SNX14: variants seen among roughly 807,000 people sequenced by gnomAD.
SNX14 encodes sorting nexin-14.
SNX14 carries 93 observed loss-of-function variants against 133.8 expected under a neutral mutation model. The observed-to-expected ratio is 0.70, with a 90% confidence interval of 0.59 to 0.83. SNX14 has a LOEUF of 0.83. Ranked by LOEUF, SNX14 falls within the 40% of genes least tolerant of loss-of-function variation. SNX14 has a pLI of 0.00. For synonymous variants in SNX14, 368 were observed against 365.6 expected (o/e 1.01, Z -0.07); for missense variants, 945 against 1,094.9 (o/e 0.86, Z 1.93).
At chr6:85,538,384 C>A (rs1782586616) in intron 16 of SNX14, among the ~76,000 whole-genome samples, 1 of 151,934 alleles carries the variant, frequency 6.6e-6, no homozygotes, top group Non-Finnish European at 1.5e-5. Context: ...ATAGTTTATT[C>A]CAGTCTCTAC....
intron 12 of SNX14, among the ~76,000 whole-genome samples, chr6:85,544,736 C>T (rs971915339): frequency 9.9e-5 from 15 of 152,206 alleles, no homozygotes; most frequent in Admixed American, 7.2e-4. Flanking sequence ...GGCTGTATTT[C>T]GTGAGCCATG....
intron 26 of SNX14, 159 bp from the exon 27 acceptor site, chr6:85,508,218 A>C: frequency 7.6e-7 from 1 of 1,308,968 alleles, no homozygotes. Flanking sequence ...GCTCCTGGAT[A>C]AGAGGTTTCT....
chr6:85,542,822 A>AG (rs1784242443), intron 14 of SNX14, among the ~76,000 whole-genome samples: 1 of 152,238 alleles, frequency 6.6e-6, no homozygotes, highest in African/African-American at 2.4e-5. Flanking sequence ...CTTGAGTTGT[A>AG]GTGGTGTGAT....
intron 5 of SNX14, 105 bp from the exon 6 acceptor site, chr6:85,565,524 T>C: frequency 1.4e-6 from 1 of 709,424 alleles, no homozygotes; most frequent in Admixed American, 3.3e-5. Flanking sequence ...TTAAGCTACT[T>C]TCTTTTTTCA....
At chr6:85,511,350 A>G (rs1335144258) in intron 26 of SNX14, among the ~76,000 whole-genome samples, 1 of 152,216 alleles carries the variant, frequency 6.6e-6, no homozygotes, top group Non-Finnish European at 1.5e-5. Flanking sequence ...CAATCATGTC[A>G]TCTGTGAACA....
chr6:85,530,586 A>C (rs1052815657), intron 18 of SNX14, among the ~76,000 whole-genome samples: 1 of 151,646 alleles, frequency 6.6e-6, no homozygotes, highest in Non-Finnish European at 1.5e-5. Flanking sequence ...CAGAGGTTGC[A>C]GCGAGCCGAG....
chr6:85,518,118 A>T, intron 21 of SNX14, 70 bp from the exon 22 acceptor site: 1 of 1,254,724 alleles, frequency 8.0e-7, no homozygotes, highest in Non-Finnish European at 1.1e-6. Flanking sequence ...ATGAATACTT[A>T]ACCAGGTAAT....
intron 13 of SNX14, 114 bp from the exon 14 acceptor site, chr6:85,543,420 C>A (rs1352506670): frequency 4.4e-6 from 5 of 1,123,718 alleles, no homozygotes; most frequent in South Asian, 3.7e-5. Context: ...ATTAGACCAA[C>A]CAAGCTCTAG....
At chr6:85,569,234 T>C (rs1013497312) in intron 4 of SNX14, among the ~76,000 whole-genome samples, 1 of 152,206 alleles carries the variant, frequency 6.6e-6, no homozygotes, top group African/African-American at 2.4e-5. Flanking sequence ...AGTGCTGGGA[T>C]TACAGGCGTG....
chr6:85,552,272 G>C (rs943233390), intron 7 of SNX14, among the ~76,000 whole-genome samples: 17 of 151,972 alleles, frequency 1.1e-4, no homozygotes, highest in Non-Finnish European at 2.2e-4. Context: ...TCCTGACCTC[G>C]TGATCCGCCC....
chr6:85,548,085 G>T (rs982727544), intron 9 of SNX14, among the ~76,000 whole-genome samples: 4 of 152,172 alleles, frequency 2.6e-5, no homozygotes, highest in South Asian at 4.1e-4. Context: ...GGTTGCCAGG[G>T]GGGGCTGGAG....
At position 85,508,293 on chromosome 6, in the gene SNX14, T is replaced by C. The variant is rs1280151710; in HGVS notation, c.2654-234A>G. On this transcript the variant is annotated intron_variant, in intron 26 of 28. Transcript: ENST00000314673. ...TTGGAGATTCACAATGCACAAGGCA[T>C]AATGCAAACTCTGAGAAATGCTGCA... is the stretch of plus-strand genomic sequence containing the variant. The C allele has an allele frequency of 2.8e-6, 3 of 1,073,564 alleles. No individual in the cohort carries two copies. The East Asian group carries it at 1.4e-4, about 51-fold the overall frequency. 66.5% of individuals were successfully genotyped at this position (1,073,564 alleles called of 1,614,324 possible). A position where few individuals can be genotyped will look rare whatever the true frequency, so the allele number is the denominator to read the frequency against.
rs566688518 is a variant in SNX14 at position 85,568,729 on chromosome 6, T to C, written c.418-1152A>G. Among the ~76,000 whole-genome samples the C allele has an allele frequency of 4.1e-4, 63 of 152,328 alleles. 1 individual carries two copies. The highest frequency in any genetic ancestry group is 1.3e-3 in the African/African-American group (53 of 41,566). Reference sequence around the variant, plus strand: ...TCTCTGGCAGCAATAATAAAGTTTGTGAATTCTCTAGTTTAAATATTAAGT... The same window carrying C: ...TCTCTGGCAGCAATAATAAAGTTTGCGAATTCTCTAGTTTAAATATTAAGT... On this transcript the variant is annotated intron_variant, in intron 4 of 28. Transcript: ENST00000314673.
intron 8 of SNX14, among the ~76,000 whole-genome samples, chr6:85,549,492 C>A (rs895119366): frequency 6.6e-6 from 1 of 152,048 alleles, no homozygotes; most frequent in Non-Finnish European, 1.5e-5. Flanking sequence ...TGTCCAAGAT[C>A]AGTTTTAAAG....
intron 4 of SNX14, among the ~76,000 whole-genome samples, chr6:85,571,359 CAAAA>C (rs55696922): frequency 3.8e-5 from 2 of 53,322 alleles, no homozygotes. Flanking sequence ...GACTCCATCT[CAAAA>C]AAAAAAAAAA....
At chr6:85,520,205 G>C (rs958633243) in intron 21 of SNX14, among the ~76,000 whole-genome samples, 1 of 149,916 alleles carries the variant, frequency 6.7e-6, no homozygotes, top group African/African-American at 2.5e-5. Flanking sequence ...ACCACGCCCA[G>C]CTAATTTTTG....
chr6:85,517,225 A>G (rs1775331248), intron 23 of SNX14, among the ~76,000 whole-genome samples: 2 of 152,238 alleles, frequency 1.3e-5, no homozygotes, highest in African/African-American at 4.8e-5. Flanking sequence ...AGTATTAACA[A>G]AAATAAAAGA....
intron 1 of SNX14, among the ~76,000 whole-genome samples, chr6:85,582,627 C>T (rs992806767): frequency 2.0e-5 from 3 of 152,046 alleles, no homozygotes; most frequent in African/African-American, 7.2e-5. Context: ...ACACAAACTA[C>T]TATCAGAGAA....
At chr6:85,516,486 C>CATCTAT (rs1261136499) in intron 23 of SNX14, among the ~76,000 whole-genome samples, 13 of 151,954 alleles carry the variant, frequency 8.6e-5, no homozygotes, top group Non-Finnish European at 1.6e-4. Flanking sequence ...GATGACTTTA[C>CATCTAT]CAACTCTATC....
Sources: gnomAD v4.1 joint callset for allele counts (sites outside exome capture counted in the v4.1 genomes callset) on GRCh38, gnomAD v4.1.1 for gene constraint, MANE v1.5 for transcripts, NCBI Gene and HGNC (gene_info 2026-07-23, HGNC 2026-07-21) for gene names.